The following FHIT variants were observed in gnomAD, a reference collection of about 807,000 sequenced individuals.
FHIT encodes fragile histidine triad diadenosine triphosphatase, also known as bis(5'-adenosyl)-triphosphatase.
A neutral mutation model predicts 17.9 loss-of-function variants in FHIT; 19 were observed. The observed-to-expected ratio is 1.06, with a 90% CI of 0.74 to 1.56. The LOEUF (loss-of-function observed/expected upper bound fraction) is 1.56. Among genes scored for constraint, FHIT ranks in the 40% most tolerant of loss-of-function variants. The pLI is 0.00. For missense variants in FHIT, 248 were observed against 189.2 expected (o/e 1.31, Z -1.82); for synonymous variants, 81 against 69.7 (o/e 1.16, Z -0.81).
intron 5 of FHIT, among the ~76,000 whole-genome samples, chr3:60,071,441 T>C (rs914385043): frequency 1.3e-5 from 2 of 152,176 alleles, no homozygotes; most frequent in African/African-American, 2.4e-5. Context: ...CGTGTCTGTA[T>C]TGGCCTCTTG....
At position 60,928,967 on chromosome 3, in the gene FHIT, T is replaced by G. The variant is rs868959427; in HGVS notation, c.-110-106956A>C. Among the ~76,000 whole-genome samples the G allele has an allele frequency of 2.0e-5, 3 of 152,130 alleles. No individual in the cohort carries two copies. In the South Asian group the frequency reaches 6.2e-4, roughly 32 times the overall value. ...TGAACATCGATGCAGAAATCCTCAA[T>G]AAAATACTGGCAAACCGAATCCAGC... On this transcript the variant is annotated intron_variant, in intron 3 of 9. Coordinates refer to ENST00000492590, the MANE Select transcript of FHIT (RefSeq NM_002012.4).
chr3:59,802,411 G>A (rs1700032674), intron 8 of FHIT, among the ~76,000 whole-genome samples: 1 of 152,148 alleles, frequency 6.6e-6, no homozygotes, highest in African/African-American at 2.4e-5. Context: ...TATACATCCA[G>A]ATGGCCTGAA....
At chr3:60,744,596 T>C (rs547982526) in intron 4 of FHIT, among the ~76,000 whole-genome samples, 3 of 152,302 alleles carry the variant, frequency 2.0e-5, no homozygotes, top group Non-Finnish European at 4.4e-5. Flanking sequence ...TCCCCACATC[T>C]AACCAAAACC....
At chr3:60,888,661 T>C (rs1350948988) in intron 3 of FHIT, among the ~76,000 whole-genome samples, 1 of 152,210 alleles carries the variant, frequency 6.6e-6, no homozygotes, top group African/African-American at 2.4e-5. Context: ...AACTAATTGG[T>C]ATATATTTAA....
intron 2 of FHIT, among the ~76,000 whole-genome samples, chr3:61,092,966 A>G (rs2035531384): frequency 6.6e-6 from 1 of 152,224 alleles, no homozygotes; most frequent in African/African-American, 2.4e-5. Context: ...TTGAAGCCCT[A>G]AACAACTCTG....
chr3:60,214,292 T>G (rs1230878377), intron 5 of FHIT, among the ~76,000 whole-genome samples: 1 of 152,194 alleles, frequency 6.6e-6, no homozygotes, highest in Non-Finnish European at 1.5e-5. Context: ...GATCCTAAAC[T>G]TGCTGTCATT....
intron 5 of FHIT, among the ~76,000 whole-genome samples, chr3:60,214,488 G>C (rs998919821): frequency 6.6e-6 from 1 of 152,136 alleles, no homozygotes; most frequent in African/African-American, 2.4e-5. Context: ...GAGCCTCCCT[G>C]AACTGTCAAA....
chr3:60,753,506 T>C (rs1399344354), intron 4 of FHIT, among the ~76,000 whole-genome samples: 1 of 152,216 alleles, frequency 6.6e-6, no homozygotes, highest in Admixed American at 6.5e-5. Flanking sequence ...AAGGGAGCGA[T>C]CCACTCTCCA....
intron 8 of FHIT, among the ~76,000 whole-genome samples, chr3:59,831,869 C>T (rs1024327983): frequency 6.6e-6 from 1 of 152,090 alleles, no homozygotes; most frequent in Non-Finnish European, 1.5e-5. Flanking sequence ...AAGGGTATTG[C>T]TCCCCTTTCA....
At chr3:60,260,913 T>A (rs1010111988) in intron 5 of FHIT, among the ~76,000 whole-genome samples, 2 of 152,006 alleles carry the variant, frequency 1.3e-5, no homozygotes, top group African/African-American at 4.8e-5. Context: ...ACCAGCGCCA[T>A]GACAGTTTAC....
intron 2 of FHIT, among the ~76,000 whole-genome samples, chr3:61,077,680 T>C (rs1458964850): frequency 6.6e-6 from 1 of 152,136 alleles, no homozygotes; most frequent in African/African-American, 2.4e-5. Flanking sequence ...CAAAAGATAC[T>C]GGCATCTGGA....
At chr3:59,968,613 T>C (rs1435536336) in intron 7 of FHIT, among the ~76,000 whole-genome samples, 1 of 152,098 alleles carries the variant, frequency 6.6e-6, no homozygotes, top group African/African-American at 2.4e-5. Flanking sequence ...TTATATCAAG[T>C]TCTCTATCCT....
chr3:60,666,033 C>G (rs1372282586), intron 4 of FHIT, among the ~76,000 whole-genome samples: 1 of 152,144 alleles, frequency 6.6e-6, no homozygotes, highest in Non-Finnish European at 1.5e-5. Flanking sequence ...TGAAACTTCA[C>G]TCCCATTTAA....
At chr3:60,279,287 G>A (rs1297723253) in intron 5 of FHIT, among the ~76,000 whole-genome samples, 2 of 151,972 alleles carry the variant, frequency 1.3e-5, no homozygotes, top group Non-Finnish European at 2.9e-5. Flanking sequence ...TGATAACTTA[G>A]ATAAACAGAG....
At chr3:59,940,574 G>T (rs1268464054) in intron 7 of FHIT, among the ~76,000 whole-genome samples, 1 of 152,092 alleles carries the variant, frequency 6.6e-6, no homozygotes, top group Non-Finnish European at 1.5e-5. Flanking sequence ...CTCCCACTGG[G>T]GTACAAATCC....
intron 8 of FHIT, among the ~76,000 whole-genome samples, chr3:59,917,201 CCA>C (rs1189529912): frequency 1.3e-5 from 2 of 152,226 alleles, no homozygotes; most frequent in Non-Finnish European, 2.9e-5. Context: ...ATGCTTGAAC[CCA>C]CAGTTGCTTT....
At chr3:59,873,274 G>A (rs892372039) in intron 8 of FHIT, among the ~76,000 whole-genome samples, 2 of 152,146 alleles carry the variant, frequency 1.3e-5, no homozygotes, top group Admixed American at 6.5e-5. Context: ...GGCACATGGT[G>A]GCTATTCAGG....
chr3:60,330,253 G>T (rs1418243237), intron 5 of FHIT, among the ~76,000 whole-genome samples: 1 of 152,146 alleles, frequency 6.6e-6, no homozygotes, highest in African/African-American at 2.4e-5. Context: ...AGCAATGCTC[G>T]ATCAGGATTC....
chr3:60,964,342 G>T (rs1482998106), intron 3 of FHIT, among the ~76,000 whole-genome samples: 7 of 151,778 alleles, frequency 4.6e-5, no homozygotes, highest in African/African-American at 1.7e-4. Flanking sequence ...AGGTGAGATG[G>T]GTCTCCTGAA....
Sources: gnomAD v4.1 joint callset for allele counts (sites outside exome capture counted in the v4.1 genomes callset) on GRCh38, gnomAD v4.1.1 for gene constraint, MANE v1.5 for transcripts, NCBI Gene and HGNC (gene_info 2026-07-23, HGNC 2026-07-21) for gene names.